Variants in KALRN observed in about 807,000 individuals in gnomAD.
KALRN encodes the protein kalirin RhoGEF kinase, also known as kalirin.
In KALRN, 70 loss-of-function variants were observed where a neutral mutation model predicts 353.7. That is an observed-to-expected ratio of 0.20 (90% confidence interval 0.16 to 0.24). The LOEUF is 0.24. Ranked by LOEUF, KALRN falls within the 10% of genes least tolerant of loss-of-function variation. The pLI, the probability that KALRN is intolerant of heterozygous loss-of-function variation, is 1.00. For synonymous variants in KALRN, 1,391 were observed against 1,434.8 expected, an observed-to-expected ratio of 0.97 and a Z score of 0.69; for missense variants, 2,791 against 3,756.7, an observed-to-expected ratio of 0.74 and a Z score of 6.72.
At chr3:124,049,069 A>G (rs1395655863) in intron 1 of KALRN, among the ~76,000 whole-genome samples, 1 of 152,174 alleles carries the variant, frequency 6.6e-6, no homozygotes, top group East Asian at 1.9e-4. Flanking sequence ...CTTTTTGTGT[A>G]ACGTTTAAGG....
intron 28 of KALRN, among the ~76,000 whole-genome samples, chr3:124,485,861 T>C (rs780988596): frequency 2.6e-4 from 40 of 152,214 alleles, no homozygotes; most frequent in Non-Finnish European, 5.9e-4. Flanking sequence ...GCCTGGGTGA[T>C]AGAGCGAGAC....
chr3:124,379,745 C>T (rs1466525458), intron 10 of KALRN, among the ~76,000 whole-genome samples: 1 of 152,166 alleles, frequency 6.6e-6, no homozygotes, highest in Non-Finnish European at 1.5e-5. Flanking sequence ...CTTTCTCTAG[C>T]CTCAGGTAGT....
At chr3:124,513,871 G>A (rs939210520) in intron 33 of KALRN, among the ~76,000 whole-genome samples, 10 of 152,140 alleles carry the variant, frequency 6.6e-5, no homozygotes, top group Non-Finnish European at 1.2e-4. Context: ...ATCGCTGACC[G>A]CTCAGCCAGC....
chr3:124,056,359 T>C (rs2041538140), intron 1 of KALRN, among the ~76,000 whole-genome samples: 1 of 152,160 alleles, frequency 6.6e-6, no homozygotes. Context: ...CAGTTCTATG[T>C]CTGTAGCGTG....
intron 34 of KALRN, among the ~76,000 whole-genome samples, chr3:124,599,216 A>G (rs1257734825): frequency 6.6e-6 from 1 of 152,226 alleles, no homozygotes; most frequent in Non-Finnish European, 1.5e-5. Flanking sequence ...AACGTAAGGT[A>G]GGGAAGTAGA....
intron 9 of KALRN, among the ~76,000 whole-genome samples, chr3:124,341,437 C>T: frequency 6.6e-6 from 1 of 152,144 alleles, no homozygotes; most frequent in East Asian, 1.9e-4. Flanking sequence ...GTGCAAGATG[C>T]AGGCAAGGAT....
intron 51 of KALRN, among the ~76,000 whole-genome samples, chr3:124,689,270 A>C (rs1445361710): frequency 6.6e-6 from 1 of 152,138 alleles, no homozygotes; most frequent in Non-Finnish European, 1.5e-5. Context: ...TGCCCAGTAC[A>C]GTGGCACTTT....
At chr3:124,692,644 G>A (rs971440615) in intron 51 of KALRN, among the ~76,000 whole-genome samples, 1 of 152,230 alleles carries the variant, frequency 6.6e-6, no homozygotes, top group South Asian at 2.1e-4. Context: ...TGATTAAAAT[G>A]AGATCATCTT....
chr3:124,441,822 T>C, intron 18 of KALRN, 123 bp from the exon 19 acceptor site: 1 of 553,308 alleles, frequency 1.8e-6, no homozygotes, highest in African/African-American at 2.2e-5. Context: ...TGAGACTCTG[T>C]CTCAAAAAAG....
chr3:124,634,048 T>C (rs2081081919), intron 36 of KALRN, 95 bp downstream of exon 36: 1 of 883,708 alleles, frequency 1.1e-6, no homozygotes, highest in South Asian at 1.6e-5. Context: ...CTTTCTCCCA[T>C]GTTATCTCGT....
intron 1 of KALRN, among the ~76,000 whole-genome samples, chr3:124,103,063 C>T (rs2062006506): frequency 1.3e-5 from 2 of 152,186 alleles, no homozygotes; most frequent in African/African-American, 4.8e-5. Flanking sequence ...GGGTTGCCCC[C>T]TCTACCTGCT....
chr3:124,451,773 C>A (rs968379201), intron 21 of KALRN, among the ~76,000 whole-genome samples: 5 of 152,192 alleles, frequency 3.3e-5, no homozygotes, highest in Non-Finnish European at 7.3e-5. Context: ...GAATGTCACC[C>A]AAGACCAAGG....
intron 19 of KALRN, 129 bp from the exon 20 acceptor site, chr3:124,446,032 T>C (rs2093828323): frequency 1.7e-6 from 1 of 580,282 alleles, no homozygotes; most frequent in Admixed American, 3.1e-5. Context: ...CTTCTGATGC[T>C]GGATTAGTCT....
Position 124,369,459 on chromosome 3 carries a change from T to G in KALRN, c.1771-15386T>G, listed in dbSNP as rs914461962. ...ACATCTTTCTCTTTTTCTTTTAAATTTCTTATTTTTTAATCAACAGAAACA... is the reference window on the plus strand; with the variant it reads ...ACATCTTTCTCTTTTTCTTTTAAATGTCTTATTTTTTAATCAACAGAAACA... On this transcript the variant is annotated intron_variant, in intron 10 of 59. Coordinates refer to ENST00000682506, the MANE Select transcript of KALRN (RefSeq NM_001388419.1). Among the ~76,000 whole-genome samples, 4 of 152,334 alleles carry G rather than the reference T, an allele frequency of 2.6e-5. No homozygotes were observed. In the East Asian group the frequency reaches 7.7e-4, roughly 29 times the overall value.
At chr3:124,494,065 G>T (rs2063459498) in intron 32 of KALRN, among the ~76,000 whole-genome samples, 1 of 152,212 alleles carries the variant, frequency 6.6e-6, no homozygotes, top group African/African-American at 2.4e-5. Context: ...GGATACTCAG[G>T]TGAGGCTGAC....
At chr3:124,216,372 C>G (rs985990413) in intron 1 of KALRN, among the ~76,000 whole-genome samples, 1 of 152,138 alleles carries the variant, frequency 6.6e-6, no homozygotes, top group Non-Finnish European at 1.5e-5. Flanking sequence ...TATGACTGCC[C>G]TAGGCTATTG....
chr3:124,033,864 C>T lies in KALRN; in HGVS notation c.73+51C>T, dbSNP rs1367484293. On this transcript the variant is annotated intron_variant, in intron 1 of 59. Transcript: ENST00000682506. This position sits in a 1 kb window ranked among gnomAD's most constrained non-coding sequence, Gnocchi z 6.2. ...CAGGGCTGAAGGCTACTGCCTCGGA[C>T]GCGGCGTCTCGGACAAGTTTGGGGA... 6.6e-6 allele frequency among the ~76,000 whole-genome samples: 1 copy of T among 152,174 alleles called. No homozygotes were observed. Among genetic ancestry groups the T allele is most frequent in the Non-Finnish European group, 1.5e-5 (1 of 68,020 alleles).
intron 32 of KALRN, among the ~76,000 whole-genome samples, chr3:124,494,122 GTT>G: frequency 6.6e-6 from 1 of 152,312 alleles, no homozygotes; most frequent in East Asian, 1.9e-4. Context: ...TAGTAGGAGA[GTT>G]TGAGCATTTC....
At chr3:124,201,171 A>T (rs552061785) in intron 1 of KALRN, among the ~76,000 whole-genome samples, 34 of 152,372 alleles carry the variant, frequency 2.2e-4, no homozygotes, top group African/African-American at 8.2e-4. Flanking sequence ...ATAAGACAAC[A>T]GCCACCATTG....
Sources: gnomAD v4.1 joint callset for allele counts (sites outside exome capture counted in the v4.1 genomes callset) on GRCh38, gnomAD v4.1.1 for gene constraint, Gnocchi (gnomAD v3.1) non-coding constraint, MANE v1.5 for transcripts, NCBI Gene and HGNC (gene_info 2026-07-23, HGNC 2026-07-21) for gene names.